MRE11: variants seen among roughly 807,000 people sequenced by gnomAD.
The protein encoded by MRE11 is double-strand break repair protein MRE11.
Under a neutral mutation model 91.7 loss-of-function variants are expected in MRE11, and 62 were observed. The observed-to-expected ratio is 0.68, with a 90% CI of 0.55 to 0.84. The LOEUF (loss-of-function observed/expected upper bound fraction) is 0.84, where lower values mean the gene tolerates loss of function less well. Ranked by LOEUF, MRE11 falls within the 40% of genes least tolerant of loss-of-function variation. The pLI is 0.00. For synonymous variants in MRE11, 273 were observed against 271.4 expected (o/e 1.01, Z -0.06); for missense variants, 796 against 852.9 (o/e 0.93, Z 0.83).
chr11:94,448,386 G>C (rs958600853), intron 14 of MRE11, among the ~76,000 whole-genome samples: 1 of 151,838 alleles, frequency 6.6e-6, no homozygotes, highest in Non-Finnish European at 1.5e-5. Flanking sequence ...GGACCAGCCT[G>C]GGCAACATGG....
In MRE11 at chr11:94,459,934, G is replaced by GAA. The variant is rs1946371679; in HGVS notation, c.1327-354_1327-353insTT. Among the ~76,000 whole-genome samples, 9 of 152,260 alleles carry GAA rather than the reference G, an allele frequency of 5.9e-5. No individual in the cohort carries two copies. In the South Asian group the frequency reaches 1.7e-3, roughly 28 times the overall value. ...GAATACATGGCAAAGAGGAACAAAG[G>GAA]TTGCTAATCAGCTGTCTGTAAAATA... On this transcript the variant is annotated intron_variant, in intron 12 of 19. Transcript: ENST00000323929.
intron 10 of MRE11, among the ~76,000 whole-genome samples, chr11:94,467,355 A>T (rs34509817): frequency 0.046 from 7,033 of 152,234 alleles, 403 homozygotes; most frequent in African/African-American, 0.13. Context: ...CGGGGAAAAA[A>T]ATAAGAAGAA....
At chr11:94,512,122 C>T in the MRE11 span, among the ~76,000 whole-genome samples, 1 of 152,192 alleles carries the variant, frequency 6.6e-6, no homozygotes, top group Non-Finnish European at 1.5e-5. Context: ...CTTTTCTGTT[C>T]TGGGCAGTGA....
At chr11:94,441,977 C>CAAA (rs35673778) in intron 16 of MRE11, among the ~76,000 whole-genome samples, 5,579 of 48,100 alleles carry the variant, frequency 0.12, 347 homozygotes, top group South Asian at 0.15. Flanking sequence ...GACTCTGTCT[C>CAAA]AAAAAAAAAA....
intron 18 of MRE11, among the ~76,000 whole-genome samples, chr11:94,431,113 G>A (rs1945452804): frequency 6.6e-6 from 1 of 152,076 alleles, no homozygotes; most frequent in Non-Finnish European, 1.5e-5. Context: ...ACATGCTTTG[G>A]GATGTCATTA....
chr11:94,430,485 C>CT (rs56158500), intron 18 of MRE11, among the ~76,000 whole-genome samples: 6,923 of 143,882 alleles, frequency 0.048, 432 homozygotes, highest in African/African-American at 0.13. Flanking sequence ...TCTTTTTACT[C>CT]TTTTTTTTTT....
the MRE11 span, among the ~76,000 whole-genome samples, chr11:94,508,987 C>G: frequency 6.6e-6 from 1 of 152,100 alleles, no homozygotes; most frequent in Non-Finnish European, 1.5e-5. Context: ...GTCTCAAACT[C>G]TTGACCTCGT....
intron 19 of MRE11, among the ~76,000 whole-genome samples, chr11:94,420,986 C>A (rs980640243): frequency 6.6e-6 from 1 of 151,136 alleles, no homozygotes; most frequent in African/African-American, 2.4e-5. Flanking sequence ...GAGCTGAGAT[C>A]GTGCCACTGC....
intron 16 of MRE11, among the ~76,000 whole-genome samples, chr11:94,444,086 T>C (rs922206814): frequency 6.6e-6 from 1 of 152,010 alleles, no homozygotes; most frequent in African/African-American, 2.4e-5. Context: ...TTTTGTATTT[T>C]CAGTAGGGGA....
the MRE11 span, among the ~76,000 whole-genome samples, chr11:94,503,073 CT>C: frequency 6.6e-6 from 1 of 152,040 alleles, no homozygotes; most frequent in Admixed American, 6.6e-5. Flanking sequence ...GAGATCTGCC[CT>C]GTTAAAACTT....
intron 5 of MRE11, 129 bp from the exon 6 acceptor site, chr11:94,479,005 T>C (rs1456021039): frequency 9.1e-6 from 9 of 991,828 alleles, no homozygotes; most frequent in Non-Finnish European, 1.2e-5. Context: ...TAGTGTCTTC[T>C]CAAAACAAAA....
chr11:94,453,283 C>T (rs186418645), intron 14 of MRE11, among the ~76,000 whole-genome samples: 9 of 152,270 alleles, frequency 5.9e-5, no homozygotes, highest in East Asian at 5.8e-4. Context: ...CATGCTGCTA[C>T]GAACACTGAT....
intron 3 of MRE11, among the ~76,000 whole-genome samples, chr11:94,487,982 A>G (rs1947185243): frequency 6.6e-6 from 1 of 152,258 alleles, no homozygotes; most frequent in Non-Finnish European, 1.5e-5. Context: ...CAATAATAAG[A>G]AATACTAAAT....
At chr11:94,496,507 G>T, upstream of MRE11, 2 of 540,650 alleles carry the variant, frequency 3.7e-6, no homozygotes, top group Non-Finnish European at 6.3e-6. Context: ...CAAGAGTTTA[G>T]ACAGGGTTTA....
At position 94,456,311 on chromosome 11, in the gene MRE11, T is replaced by A; in HGVS notation, c.1528A>T (p.Lys510Ter). Residue 510 changes from lysine to a stop codon, truncating the protein, a stop_gained, in exon 14 of 20, where the codon AAA becomes TAA. Coordinates refer to ENST00000323929, the MANE Select transcript of MRE11 (RefSeq NM_005591.4). LOFTEE classifies it high-confidence loss of function. ...EVRRFRETRQKNTNEEDDEVR... is the reference protein window; with the variant it reads ...EVRRFRETRQ ...TCATCATCTTCTTCATTAGTATTTTTTTGTCTGGTTTCTCTGAAACGACGT... is the reference window on the plus strand; with the variant it reads ...TCATCATCTTCTTCATTAGTATTTTATTGTCTGGTTTCTCTGAAACGACGT... The A allele has an allele frequency of 6.2e-7, 1 of 1,613,688 alleles. No homozygotes were observed. Among genetic ancestry groups the A allele is most frequent in the Non-Finnish European group, 8.5e-7 (1 of 1,179,872 alleles).
Position 94,418,059 on chromosome 11 carries a change from G to A in MRE11, c.*2066C>T. 1.7e-5 allele frequency: 4 copies of A among 232,992 alleles called. No individual in the cohort carries two copies. Among genetic ancestry groups the A allele is most frequent in the Non-Finnish European group, 3.4e-5 (4 of 117,970 alleles). The allele number at this position is 232,992 out of a possible 1,614,324, so 14.4% of individuals were successfully genotyped here. On this transcript the variant is annotated 3_prime_UTR_variant, in exon 20 of 20. Coordinates refer to ENST00000323929, the MANE Select transcript of MRE11 (RefSeq NM_005591.4). ...AAATGCAGCTGCTTTCAAATCATCT[G>A]AAAGACTTCTACATTCCTATACCAA...
rs1945129555 is a variant in MRE11 at position 94,420,081 on chromosome 11, C to T, written c.*44G>A. The T allele has an allele frequency of 1.4e-6, 2 of 1,455,928 alleles. No homozygotes were observed. The highest frequency in any genetic ancestry group is 2.8e-5 in the African/African-American group (2 of 71,716). The allele number at this position is 1,455,928 out of a possible 1,614,324, so 90.2% of individuals were successfully genotyped here. ...GTAAACTCTTAGCTTGTAACATTTT[C>T]ATTTTTCCTGTATCTTGCATGTTTC... On this transcript the variant is annotated 3_prime_UTR_variant, in exon 20 of 20. Transcript: ENST00000323929.
At chr11:94,500,380 G>A in the MRE11 span, among the ~76,000 whole-genome samples, 1 of 152,192 alleles carries the variant, frequency 6.6e-6, no homozygotes, top group Non-Finnish European at 1.5e-5. Context: ...CCACCCCTGA[G>A]GGCAGAATTT....
At chr11:94,504,987 C>A in the MRE11 span, among the ~76,000 whole-genome samples, 4 of 152,132 alleles carry the variant, frequency 2.6e-5, no homozygotes, top group Non-Finnish European at 5.9e-5. Context: ...CTAAAATTTC[C>A]TATCACCCAG....
Sources: gnomAD v4.1 joint callset for allele counts (sites outside exome capture counted in the v4.1 genomes callset) on GRCh38, gnomAD v4.1.1 for gene constraint, MANE v1.5 for transcripts, NCBI Gene and HGNC (gene_info 2026-07-23, HGNC 2026-07-21) for gene names.